The following CYP3A5 variants were observed in gnomAD, a reference collection of about 807,000 sequenced individuals.
CYP3A5 encodes the protein cytochrome P450 3A5.
Under a neutral mutation model 55.9 loss-of-function variants are expected in CYP3A5, and 51 were observed. That is an observed-to-expected ratio of 0.91 (90% CI 0.73 to 1.15). The LOEUF (loss-of-function observed/expected upper bound fraction) is 1.15, where lower values mean the gene tolerates loss of function less well. CYP3A5 is among the 50% of genes most tolerant of loss of function. The pLI is 0.00. For synonymous variants in CYP3A5, 196 were observed against 213.9 expected, an observed-to-expected ratio of 0.92 and a Z score of 0.73; for missense variants, 533 against 596.6, an observed-to-expected ratio of 0.89 and a Z score of 1.11.
At chr7:99,650,933 C>T (rs1809118017) in intron 11 of CYP3A5, among the ~76,000 whole-genome samples, 1 of 152,148 alleles carries the variant, frequency 6.6e-6, no homozygotes. Context: ...TGAAGATTGA[C>T]CCATGTTTTA....
At chr7:99,674,102 A>G (rs1273576128) in intron 3 of CYP3A5, 3 of 154,028 alleles carry the variant, frequency 1.9e-5, no homozygotes, top group African/African-American at 7.2e-5. Flanking sequence ...AAACAAAACT[A>G]TTACAAAAGT....
chr7:99,676,401 A>G, intron 1 of CYP3A5, 193 bp from the exon 2 acceptor site: 1 of 1,509,326 alleles, frequency 6.6e-7, no homozygotes, highest in Non-Finnish European at 8.9e-7. Flanking sequence ...ACCCCTGAAA[A>G]GTCTCAATGA....
intron 3 of CYP3A5, among the ~76,000 whole-genome samples, chr7:99,673,301 G>T (rs1403905652): frequency 6.6e-6 from 1 of 152,166 alleles, no homozygotes; most frequent in Non-Finnish European, 1.5e-5. Flanking sequence ...TCTCCCACTT[G>T]CTTCTAGTGA....
At chr7:99,677,979 T>A (rs1165281571) in intron 1 of CYP3A5, among the ~76,000 whole-genome samples, 1 of 152,214 alleles carries the variant, frequency 6.6e-6, no homozygotes, top group Non-Finnish European at 1.5e-5. Context: ...TTAGTTTCTT[T>A]CCAGCTCCCC....
intron 8 of CYP3A5, 164 bp from the exon 9 acceptor site, chr7:99,663,046 C>T: frequency 7.3e-7 from 1 of 1,366,474 alleles, no homozygotes; most frequent in Non-Finnish European, 9.5e-7. Context: ...AAACATTCAT[C>T]TAAATCCTTG....
rs1471494319 is a variant in CYP3A5 at position 99,663,952 on chromosome 7, C to T, written c.798+16G>A. ...CAAAACCTAAACATCGTCATTTAAC[C>T]ACCATCAGATTTTACCTTTTGTTTG... On this transcript the variant is annotated intron_variant, in intron 8 of 12. Transcript: ENST00000222982. The T allele has an allele frequency of 1.3e-6, 2 of 1,570,348 alleles. No individual in the cohort carries two copies. Among genetic ancestry groups the T allele is most frequent in the African/African-American group, 2.8e-5 (2 of 72,148 alleles).
intron 4 of CYP3A5, among the ~76,000 whole-genome samples, chr7:99,668,755 G>A (rs1053519356): frequency 1.3e-5 from 2 of 152,252 alleles, no homozygotes; most frequent in African/African-American, 2.4e-5. Context: ...AAGGCAGAGC[G>A]CTGCTGTACA....
At position 99,670,240 on chromosome 7, in the gene CYP3A5, T is replaced by C. The variant is rs538953929; in HGVS notation, c.318+2340A>G. Among the ~76,000 whole-genome samples, 3 of 152,330 alleles carry C rather than the reference T, an allele frequency of 2.0e-5. No homozygotes were observed. In the South Asian group the frequency reaches 6.2e-4, roughly 32 times the overall value. Reference sequence around the variant, plus strand: ...GACAATGAAAACTGGCTTACAGATTTAGCATTTTTAGTGGGTTTGACGGCC... The same window carrying C: ...GACAATGAAAACTGGCTTACAGATTCAGCATTTTTAGTGGGTTTGACGGCC... On this transcript the variant is annotated intron_variant, in intron 4 of 12. Coordinates refer to ENST00000222982, the MANE Select transcript of CYP3A5 (RefSeq NM_000777.5).
intron 6 of CYP3A5, among the ~76,000 whole-genome samples, chr7:99,665,960 G>T (rs1810972300): frequency 1.3e-5 from 2 of 152,164 alleles, no homozygotes; most frequent in Admixed American, 6.5e-5. Context: ...TTGATTTGGA[G>T]AACCCAAAAC....
At chr7:99,650,405 A>T (rs1809057698) in intron 11 of CYP3A5, among the ~76,000 whole-genome samples, 173 bp from the exon 12 acceptor site, 1 of 152,192 alleles carries the variant, frequency 6.6e-6, no homozygotes, top group Non-Finnish European at 1.5e-5. Context: ...TATAATCATC[A>T]TAACCTACAG....
intron 9 of CYP3A5, 84 bp from the exon 10 acceptor site, chr7:99,660,743 A>T (rs1810354384): frequency 1.3e-6 from 2 of 1,498,982 alleles, no homozygotes; most frequent in South Asian, 2.4e-5. Flanking sequence ...GAAGCTCTCT[A>T]ATCCCAAGAA....
Position 99,666,690 on chromosome 7 carries a change from C to G in CYP3A5, c.433-1G>C, listed in dbSNP as rs373134805. The G allele has an allele frequency of 5.5e-5, 88 of 1,614,076 alleles. 2 individuals are homozygous for G. Among genetic ancestry groups the G allele is most frequent in the South Asian group, 3.7e-4 (34 of 91,082 alleles). On this transcript the variant is annotated splice_acceptor_variant, in intron 5 of 12. Transcript: ENST00000222982. LOFTEE classifies it high-confidence loss of function. Reference sequence around the variant, plus strand: ...CATACTGGGCAATGATGGGGAACATCTAAGCACAAAACAGATCAGTACCTG... The same window carrying G: ...CATACTGGGCAATGATGGGGAACATGTAAGCACAAAACAGATCAGTACCTG...
chr7:99,671,819 A>T (rs1420545214), intron 4 of CYP3A5: 1 of 702,974 alleles, frequency 1.4e-6, no homozygotes, highest in Non-Finnish European at 2.6e-6. Context: ...GGACAGCAGG[A>T]GGGAGCCACA....
At chr7:99,668,262 G>A in intron 4 of CYP3A5, among the ~76,000 whole-genome samples, 1 of 152,142 alleles carries the variant, frequency 6.6e-6, no homozygotes, top group South Asian at 2.1e-4. Context: ...ACTATAAAAT[G>A]TTGAGGAAAG....
chr7:99,676,224 GA>G lies in CYP3A5; in HGVS notation c.72-17del, dbSNP rs1358578013. 7.4e-6 allele frequency: 12 copies of G among 1,613,222 alleles called. No homozygotes were observed. The highest frequency in any genetic ancestry group is 1.0e-5 in the Non-Finnish European group (12 of 1,179,506). The stretch of plus-strand genomic sequence containing the variant: ...GGTCCCATATCTACAAAGTGAAACA[GA>G]AATCAGGTCACAGGGATTGTGACTT... On this transcript the variant is annotated splice_polypyrimidine_tract_variant and intron_variant, in intron 1 of 12. Transcript: ENST00000222982.
At chr7:99,664,996 A>G (rs541705488) in intron 7 of CYP3A5, among the ~76,000 whole-genome samples, 170 bp downstream of exon 7, 1 of 152,314 alleles carries the variant, frequency 6.6e-6, no homozygotes, top group Admixed American at 6.5e-5. Context: ...TGAGGGCTCT[A>G]GATTGACAAA....
chr7:99,676,312 T>C, intron 1 of CYP3A5, 104 bp from the exon 2 acceptor site: 1 of 1,580,194 alleles, frequency 6.3e-7, no homozygotes. Context: ...GGAGGTAATA[T>C]GTACACGATA....
chr7:99,650,910 G>A (rs1809116432), intron 11 of CYP3A5, among the ~76,000 whole-genome samples: 1 of 152,086 alleles, frequency 6.6e-6, no homozygotes, highest in African/African-American at 2.4e-5. Context: ...GTTCCATTAA[G>A]CTATAAATTC....
intron 10 of CYP3A5, chr7:99,659,733 C>G (rs945307072): frequency 4.6e-5 from 7 of 152,800 alleles, no homozygotes; most frequent in Admixed American, 3.9e-4. Context: ...CCAGTTTGAG[C>G]TTCCTGGCAG....
Sources: allele counts gnomAD v4.1 joint callset (sites outside exome capture counted in the v4.1 genomes callset), GRCh38; gene constraint gnomAD v4.1.1; transcripts MANE v1.5; gene names NCBI Gene and HGNC (gene_info 2026-07-23, HGNC 2026-07-21).